The following ARHGAP35 variants were observed in gnomAD, a reference collection of about 807,000 sequenced individuals.
ARHGAP35 encodes the protein Rho GTPase activating protein 35.
In ARHGAP35, 15 loss-of-function variants were observed where a neutral mutation model predicts 111.1. The ratio of observed to expected loss-of-function variants is 0.13; its 90% CI spans 0.09 to 0.21. The LOEUF is 0.21. ARHGAP35 is among the 10% of genes least tolerant of loss of function. The pLI is 1.00. For missense variants in ARHGAP35, 1,262 were observed against 1,873.0 expected, an observed-to-expected ratio of 0.67 and a Z score of 6.02; for synonymous variants, 643 against 710.3, an observed-to-expected ratio of 0.91 and a Z score of 1.51.
At position 46,920,091 on chromosome 19, in the gene ARHGAP35, A is replaced by G. The variant is rs2056189343; in HGVS notation, c.1416A>G (p.Val472=). Residue 472 remains valine, a synonymous_variant, in exon 2 of 7, where the codon GTA becomes GTG. Coordinates refer to ENST00000672722, the MANE Select transcript of ARHGAP35 (RefSeq NM_004491.5). The surrounding 1 kb of genome is among the most constrained non-coding windows in gnomAD (Gnocchi z 7.0). ...EDFYQWLEES[V]YMDIYGKHQK... ...TCTACCAGTGGCTGGAGGAATCTGT[A>G]TACATGGATATTTATGGCAAACACC... The G allele has an allele frequency of 1.2e-6, 2 of 1,613,822 alleles. No individual in the cohort carries two copies. The highest frequency in any genetic ancestry group is 2.2e-5 in the South Asian group (2 of 91,080).
chr19:46,948,167 A>G, intron 3 of ARHGAP35: 1 of 152,226 alleles, frequency 6.6e-6, no homozygotes, highest in Non-Finnish European at 1.5e-5. Context: ...TGGCAGGTGA[A>G]AGGAGGACAG....
intron 2 of ARHGAP35, among the ~76,000 whole-genome samples, chr19:46,931,128 C>A (rs147467767): frequency 1.3e-5 from 2 of 152,164 alleles, no homozygotes; most frequent in Non-Finnish European, 2.9e-5. Context: ...TCCTCACACA[C>A]TAGTGTGAGC....
At position 47,003,546 on chromosome 19, in the gene ARHGAP35, G is replaced by A. The variant is rs1201573755; in HGVS notation, c.*2858G>A. 6.6e-6 allele frequency: 1 copy of A among 152,292 alleles called. No individual in the cohort carries two copies. The highest frequency in any genetic ancestry group is 1.5e-5 in the Non-Finnish European group (1 of 68,098). 9.4% of individuals were successfully genotyped at this position (152,292 alleles called of 1,614,324 possible). A position where few individuals can be genotyped will look rare whatever the true frequency, so the allele number is the denominator to read the frequency against. ...TGAATCCACTTAGAATTCTTGGCTT[G>A]TGTCGCATACTGGGTGTCACGGCAC... On this transcript the variant is annotated 3_prime_UTR_variant, in exon 7 of 7. Transcript: ENST00000672722.
intron 3 of ARHGAP35, among the ~76,000 whole-genome samples, chr19:46,979,124 T>G: frequency 6.6e-6 from 1 of 151,608 alleles, no homozygotes; most frequent in Non-Finnish European, 1.5e-5. Flanking sequence ...ATGTGGTGGA[T>G]GTAGTACACC....
At chr19:46,952,628 A>G (rs547692869) in intron 3 of ARHGAP35, among the ~76,000 whole-genome samples, 33 of 152,292 alleles carry the variant, frequency 2.2e-4, no homozygotes, top group Non-Finnish European at 1.5e-4. Context: ...GCTAATAATA[A>G]TGCCCACCTT....
chr19:46,866,270 G>A (rs528926853), intron 1 of ARHGAP35, among the ~76,000 whole-genome samples: 1 of 152,216 alleles, frequency 6.6e-6, no homozygotes, highest in African/African-American at 2.4e-5. Context: ...AAGAGAGAAG[G>A]TGACTAGCAC....
intron 3 of ARHGAP35, among the ~76,000 whole-genome samples, chr19:46,942,311 CAACATTTTTTT>C (rs983700920): frequency 2.0e-5 from 3 of 152,074 alleles, no homozygotes; most frequent in Non-Finnish European, 4.4e-5. Flanking sequence ...AGCTAGCTTT[CAACATTTTTTT>C]AACATAGCCC....
intron 3 of ARHGAP35, among the ~76,000 whole-genome samples, chr19:46,958,488 C>G (rs987638689): frequency 6.6e-6 from 1 of 152,012 alleles, no homozygotes; most frequent in Non-Finnish European, 1.5e-5. Flanking sequence ...TAGAAAACTA[C>G]TATGGGAGGA....
chr19:47,000,233 A>C lies in ARHGAP35; in HGVS notation c.4143-98A>C. The stretch of plus-strand genomic sequence containing the variant: ...GGCCTTTTCTGCTCCACCTGAGGGA[A>C]GAAAGGTGGGCTCAGCCTGGGTGCT... On this transcript the variant is annotated intron_variant, in intron 6 of 6. Transcript: ENST00000672722. This position sits in a 1 kb window ranked among gnomAD's most constrained non-coding sequence, Gnocchi z 6.9. 7.8e-7 allele frequency: 1 copy of C among 1,290,018 alleles called. No homozygotes were observed. Among genetic ancestry groups the C allele is most frequent in the Non-Finnish European group, 1.1e-6 (1 of 925,512 alleles). 79.9% of individuals were successfully genotyped at this position (1,290,018 alleles called of 1,614,324 possible). A position where few individuals can be genotyped will look rare whatever the true frequency, so the allele number is the denominator to read the frequency against.
At chr19:46,968,215 CA>C (rs1418591527) in intron 3 of ARHGAP35, among the ~76,000 whole-genome samples, 1 of 152,232 alleles carries the variant, frequency 6.6e-6, no homozygotes, top group African/African-American at 2.4e-5. Flanking sequence ...ATTCATATAA[CA>C]CTAAGGTCTT....
intron 1 of ARHGAP35, among the ~76,000 whole-genome samples, chr19:46,913,622 A>C (rs1318937364): frequency 6.6e-6 from 1 of 152,176 alleles, no homozygotes; most frequent in Non-Finnish European, 1.5e-5. Context: ...GTGACTGAGA[A>C]ACCAAAATAC....
Position 46,919,562 on chromosome 19 carries a change from G to A in ARHGAP35, c.887G>A (p.Ser296Asn). Reference protein sequence around the residue: ...KNHNENWLSVSRKMQASPEYQ... With the variant: ...KNHNENWLSVNRKMQASPEYQ... ...CACAATGAGAACTGGCTGAGTGTCA[G>A]CCGAAAGATGCAGGCCTCTCCAGAA... Residue 296 changes from serine to asparagine, a missense_variant, in exon 2 of 7, where the codon AGC becomes AAC. Physicochemically the swap from Ser to Asn is conservative, Grantham distance 46. This residue lies in a region of ARHGAP35 where 328 missense variants were observed against 440.8 expected (regional missense o/e 0.74). Coordinates refer to ENST00000672722, the MANE Select transcript of ARHGAP35 (RefSeq NM_004491.5). The surrounding 1 kb of genome is among the most constrained non-coding windows in gnomAD (Gnocchi z 6.2). 6.2e-7 allele frequency: 1 copy of A among 1,613,950 alleles called. No homozygotes were observed. Among genetic ancestry groups the A allele is most frequent in the East Asian group, 2.2e-5 (1 of 44,880 alleles).
chr19:46,927,909 A>G (rs1284894483), intron 2 of ARHGAP35, among the ~76,000 whole-genome samples: 1 of 152,144 alleles, frequency 6.6e-6, no homozygotes, highest in Non-Finnish European at 1.5e-5. Flanking sequence ...TCAGGTGCCT[A>G]TATTTAGACC....
At chr19:46,972,156 GCATCA>G (rs1845554447) in intron 3 of ARHGAP35, among the ~76,000 whole-genome samples, 1 of 152,192 alleles carries the variant, frequency 6.6e-6, no homozygotes, top group South Asian at 2.1e-4. Flanking sequence ...CTACAGGCGT[GCATCA>G]GCACGCCAGG....
chr19:46,872,673 G>A (rs1050142674), intron 1 of ARHGAP35, among the ~76,000 whole-genome samples: 2 of 152,096 alleles, frequency 1.3e-5, no homozygotes, highest in Admixed American at 6.6e-5. Flanking sequence ...AAGGTCAGGA[G>A]ATCGAGACCG....
chr19:46,902,121 G>A (rs548730493), intron 1 of ARHGAP35, among the ~76,000 whole-genome samples: 2 of 152,274 alleles, frequency 1.3e-5, no homozygotes, highest in African/African-American at 4.8e-5. Flanking sequence ...AATTTGAGCT[G>A]ATTTGATTAC....
chr19:46,946,908 T>C (rs1480425159), intron 3 of ARHGAP35: 1 of 152,224 alleles, frequency 6.6e-6, no homozygotes, highest in Non-Finnish European at 1.5e-5. Flanking sequence ...AGCTCTTTGC[T>C]GGAGGGTCTG....
chr19:46,904,726 G>T (rs2122172358), intron 1 of ARHGAP35, among the ~76,000 whole-genome samples: 1 of 152,346 alleles, frequency 6.6e-6, no homozygotes, highest in East Asian at 1.9e-4. Context: ...CAGCAGGACA[G>T]AGGTGGCGGG....
At chr19:46,933,792 G>A (rs1010729554) in intron 2 of ARHGAP35, among the ~76,000 whole-genome samples, 12 of 152,194 alleles carry the variant, frequency 7.9e-5, no homozygotes, top group African/African-American at 2.7e-4. Context: ...CTGCACCGCA[G>A]TCTGGATGAC....
Sources: gnomAD v4.1 joint callset for allele counts (sites outside exome capture counted in the v4.1 genomes callset) on GRCh38, gnomAD v4.1.1 for gene constraint, gnomAD v4.1.1 regional missense constraint, Gnocchi (gnomAD v3.1) non-coding constraint, MANE v1.5 for transcripts, NCBI Gene and HGNC (gene_info 2026-07-23, HGNC 2026-07-21) for gene names.